The following LAMP2 variants were observed in gnomAD, a reference collection of about 807,000 sequenced individuals.
LAMP2 encodes lysosome associated membrane protein 2.
Under a neutral mutation model 25.6 loss-of-function variants are expected in LAMP2, and 4 were observed. That is an observed-to-expected ratio of 0.16 (90% CI 0.08 to 0.36). LAMP2 has a LOEUF of 0.36. Among genes scored for constraint, LAMP2 ranks in the 10% least tolerant of loss-of-function variants. LAMP2 has a pLI of 1.00. For missense variants in LAMP2, 272 were observed against 301.4 expected, an observed-to-expected ratio of 0.90 and a Z score of 0.72; for synonymous variants, 108 against 112.7, an observed-to-expected ratio of 0.96 and a Z score of 0.27.
At chrX:120,439,660 C>T (rs2058563101) in intron 8 of LAMP2, among the ~76,000 whole-genome samples, 1 of 109,107 alleles carries the variant, frequency 9.2e-6, no homozygotes, top group Non-Finnish European at 1.9e-5. Flanking sequence ...ATAATGCACA[C>T]ATTATATATA....
In LAMP2 at chrX:120,426,761, T is replaced by C. The variant is rs142200759; in HGVS notation, c.*4562A>G. Among the ~76,000 whole-genome samples the C allele has an allele frequency of 0.014, 1,576 of 112,107 alleles. 33 individuals carry two copies. Among genetic ancestry groups the C allele is most frequent in the African/African-American group, 0.049 (1,502 of 30,914 alleles). On this transcript the variant is annotated 3_prime_UTR_variant, in exon 9 of 9. Transcript: ENST00000200639. ...CCACTGTTTTTTATGATGACATCAT[T>C]TTAACCAAATGCTTTTATAACAAAT...
In LAMP2 at chrX:120,461,625, A is replaced by G. The variant is rs758029562; in HGVS notation, c.65-4856T>C. On this transcript the variant is annotated intron_variant, in intron 1 of 8. Coordinates refer to ENST00000200639, the MANE Select transcript of LAMP2 (RefSeq NM_002294.3). Reference sequence around the variant, plus strand: ...TCTGATGTATCCCACAACCCCTAGCAGTGTGTCTTTTATATGAATGTCATC... The same window carrying G: ...TCTGATGTATCCCACAACCCCTAGCGGTGTGTCTTTTATATGAATGTCATC... Among the ~76,000 whole-genome samples, 4 of 112,030 alleles carry G rather than the reference A, an allele frequency of 3.6e-5. No individual in the cohort carries two copies. In the South Asian group the frequency reaches 1.5e-3, roughly 41 times the overall value.
rs2058510764 is a variant in LAMP2, at chrX:120,429,045, A to G, written c.*2278T>C. ...AGTAATAAAATTTAAGTTAAAAAAGACTTAGGATCAAGAATGTAGTATATA... is the reference window on the plus strand; with the variant it reads ...AGTAATAAAATTTAAGTTAAAAAAGGCTTAGGATCAAGAATGTAGTATATA... On this transcript the variant is annotated 3_prime_UTR_variant, in exon 9 of 9. Coordinates refer to ENST00000200639, the MANE Select transcript of LAMP2 (RefSeq NM_002294.3). 1.7e-6 allele frequency: 1 copy of G among 581,745 alleles called. No homozygotes were observed. The highest frequency in any genetic ancestry group is 2.6e-5 in the African/African-American group (1 of 38,261). 47.9% of individuals were successfully genotyped at this position (581,745 alleles called of 1,213,427 possible). A position where few individuals can be genotyped will look rare whatever the true frequency, so the allele number is the denominator to read the frequency against.
chrX:120,453,478 G>A (rs756309769), intron 3 of LAMP2, among the ~76,000 whole-genome samples: 97 of 111,714 alleles, frequency 8.7e-4, no homozygotes, highest in Non-Finnish European at 1.6e-3. Flanking sequence ...CAATCTCAAC[G>A]GGCAGGGGGA....
intron 8 of LAMP2, among the ~76,000 whole-genome samples, chrX:120,440,640 T>C (rs1406660043): frequency 8.9e-6 from 1 of 112,137 alleles, no homozygotes; most frequent in African/African-American, 3.2e-5. Context: ...ATACTAATAC[T>C]GCAAACGATT....
rs760602347 is a variant in LAMP2 at position 120,455,378 on chromosome X, ATGT to A, written c.373_375del (p.Thr125del). 1.6e-5 allele frequency: 19 copies of A among 1,201,774 alleles called. No homozygotes were observed. The South Asian group carries it at 2.6e-4, about 17-fold the overall frequency. ...TTACCTTTATCTTCAGCATCAGGAA[ATGT>A]TGTGTTATCACCAGTGTTGTAGGAA... On this transcript the variant is annotated inframe_deletion, in exon 3 of 9. Coordinates refer to ENST00000200639, the MANE Select transcript of LAMP2 (RefSeq NM_002294.3).
rs1319752625 is a variant in LAMP2, at chrX:120,441,822, T to C, written c.1001A>G (p.Glu334Gly). 1.6e-5 allele frequency: 19 copies of C among 1,205,803 alleles called. No homozygotes were observed. Among genetic ancestry groups the C allele is most frequent in the Non-Finnish European group, 2.0e-5 (18 of 891,029 alleles). ...PLGSSYMCNK[E>G]QTVSVSGAFQ... ...TGCTCCAGACACTGAAACAGTCTGCTCTTTGTTGCACATATAAGAACTTCC... is the reference window on the plus strand; with the variant it reads ...TGCTCCAGACACTGAAACAGTCTGCCCTTTGTTGCACATATAAGAACTTCC... The change falls in exon 8 of 9, where the codon GAG (glutamate) becomes GGG (glycine). Residue 334 changes from glutamate to glycine, a missense_variant. By Grantham distance (98) the Glu-to-Gly change is moderately conservative (BLOSUM62 -2). Transcript: ENST00000200639.
chrX:120,445,332 C>T (rs2058591320), intron 6 of LAMP2, among the ~76,000 whole-genome samples: 1 of 112,105 alleles, frequency 8.9e-6, no homozygotes, highest in Non-Finnish European at 1.9e-5. Flanking sequence ...AATACAAGTG[C>T]CTAATGTAAT....
chrX:120,428,381 T>A lies in LAMP2; in HGVS notation c.*2942A>T. 1.9e-5 allele frequency: 19 copies of A among 1,020,207 alleles called. No individual in the cohort carries two copies. The highest frequency in any genetic ancestry group is 2.3e-5 in the Non-Finnish European group (18 of 793,202). The allele number at this position is 1,020,207 out of a possible 1,213,427, so 84.1% of individuals were successfully genotyped here. A position where few individuals can be genotyped will look rare whatever the true frequency, so the allele number is the denominator to read the frequency against. Reference sequence around the variant, plus strand: ...TTAGCTAGGAACTCACTGAAGTTAGTCTGCATATCTTAAACAATCTATTGC... The same window carrying A: ...TTAGCTAGGAACTCACTGAAGTTAGACTGCATATCTTAAACAATCTATTGC... On this transcript the variant is annotated 3_prime_UTR_variant, in exon 9 of 9. Transcript: ENST00000200639.
Position 120,455,434 on chromosome X carries a change from G to C in LAMP2, c.320C>G (p.Ser107Cys), listed in dbSNP as rs730880497. ...TGAGACGCTGTCAATTGAATAAGTA[G>C]ATGCTGCCTTGGTAAAATTCGCAAT... ...SWIANFTKAASTYSIDSVSFS... is the reference protein window; with the variant it reads ...SWIANFTKAACTYSIDSVSFS... Residue 107 changes from serine (S) to cysteine (C), a missense_variant, in exon 3 of 9, where the codon TCT becomes TGT. By Grantham distance (112) the Ser-to-Cys change is moderately radical. Transcript: ENST00000200639. The C allele has an allele frequency of 6.6e-6, 8 of 1,210,574 alleles. No individual in the cohort carries two copies. In the Admixed American group the frequency reaches 1.7e-4, roughly 26 times the overall value.
At position 120,469,092 on chromosome X, in the gene LAMP2, G is replaced by T; in HGVS notation, c.64+14C>A. The stretch of plus-strand genomic sequence containing the variant: ...CCAGGCGGACAGACTAATCGGGAGG[G>T]CCCGACAACTCACCCAGGACTAGGC... On this transcript the variant is annotated intron_variant, in intron 1 of 8. Transcript: ENST00000200639. 1 of 1,209,544 alleles carries T rather than the reference G, an allele frequency of 8.3e-7. No individual in the cohort carries two copies. The highest frequency in any genetic ancestry group is 1.1e-6 in the Non-Finnish European group (1 of 893,260).
In LAMP2 at chrX:120,455,023, G is replaced by GTA. The variant is rs764285343; in HGVS notation, c.397+332_397+333dup. On this transcript the variant is annotated intron_variant, in intron 3 of 8. Transcript: ENST00000200639. Reference sequence around the variant, plus strand: ...TGTATATATATACTAGGATATATGTGTATATATATATATACATATATACTA... The same window carrying GTA: ...TGTATATATATACTAGGATATATGTGTATATATATATATATACATATATACTA... Among the ~76,000 whole-genome samples, 89 of 98,968 alleles carry GTA rather than the reference G, an allele frequency of 9.0e-4. 1 individual carries two copies. The highest frequency in any genetic ancestry group is 2.6e-3 in the African/African-American group (71 of 27,012). The allele number at this position is 98,968 out of a possible 115,157, so 85.9% of individuals were successfully genotyped here.
Position 120,441,690 on chromosome X carries a change from T to A in LAMP2, c.1093+40A>T, listed in dbSNP as rs780411636. The A allele has an allele frequency of 1.3e-5, 14 of 1,106,893 alleles. No individual in the cohort carries two copies. In the South Asian group the frequency reaches 1.5e-4, roughly 12 times the overall value. The allele number at this position is 1,106,893 out of a possible 1,213,427, so 91.2% of individuals were successfully genotyped here. On this transcript the variant is annotated intron_variant, in intron 8 of 8. Coordinates refer to ENST00000200639, the MANE Select transcript of LAMP2 (RefSeq NM_002294.3). ...TCAAAGGAAAAGCCACCTGTCAACA[T>A]AAGAACATAAATTATTAATGAAGTT...
rs191040541 is a variant in LAMP2 at position 120,438,902 on chromosome X, T to G, written c.1093+2828A>C. On this transcript the variant is annotated intron_variant, in intron 8 of 8. Transcript: ENST00000200639. ...GAAATACTAATTCAAGACAGTAAAA[T>G]AGAACTTATAATCCAGTGATTTTGC... The G allele has an allele frequency of 2.3e-4, 216 of 950,712 alleles. No individual in the cohort carries two copies. The African/African-American group carries it at 4.0e-3, about 18-fold the overall frequency. 78.3% of individuals were successfully genotyped at this position (950,712 alleles called of 1,213,427 possible). A position where few individuals can be genotyped will look rare whatever the true frequency, so the allele number is the denominator to read the frequency against.
Position 120,427,854 on chromosome X carries a change from A to C in LAMP2, c.*3469T>G, listed in dbSNP as rs1017967240. ...TAATCAGTATATTCCAAACTCTAGA[A>C]CAACAACAACAAAAAAAGAAATCTC... On this transcript the variant is annotated 3_prime_UTR_variant, in exon 9 of 9. Coordinates refer to ENST00000200639, the MANE Select transcript of LAMP2 (RefSeq NM_002294.3). The C allele has an allele frequency of 1.8e-5, 2 of 110,094 alleles. No individual in the cohort carries two copies. The highest frequency in any genetic ancestry group is 3.8e-5 in the Non-Finnish European group (2 of 53,102). The allele number at this position is 110,094 out of a possible 1,213,427, so 9.1% of individuals were successfully genotyped here.
Position 120,456,756 on chromosome X carries a change from A to T in LAMP2, c.78T>A (p.Ser26=). 8.9e-7 allele frequency: 1 copy of T among 1,117,359 alleles called. No homozygotes were observed. Among genetic ancestry groups the T allele is most frequent in the Non-Finnish European group, 1.2e-6 (1 of 816,523 alleles). 92.1% of individuals were successfully genotyped at this position (1,117,359 alleles called of 1,213,427 possible). A position where few individuals can be genotyped will look rare whatever the true frequency, so the allele number is the denominator to read the frequency against. The part of the protein sequence containing the change: ...LVCLVLGAVR[S]YALELNLTDS... The stretch of plus-strand genomic sequence containing the variant: ...CTGTCAAATTAAGTTCCAATGCATA[A>T]GACCGCACAGCTCCTGGATTCATTT... The change falls in exon 2 of 9, where the codon TCT becomes TCA. Residue 26 remains serine, a synonymous_variant. Transcript: ENST00000200639.
chrX:120,453,504 T>C (rs1358983793), intron 3 of LAMP2, among the ~76,000 whole-genome samples: 2 of 112,003 alleles, frequency 1.8e-5, no homozygotes, highest in Non-Finnish European at 3.8e-5. Flanking sequence ...AAGAGAATTA[T>C]ATCCCTAACA....
intron 8 of LAMP2, chrX:120,439,108 G>T (rs1460475196): frequency 8.3e-7 from 1 of 1,205,100 alleles, no homozygotes; most frequent in Non-Finnish European, 1.1e-6. Flanking sequence ...GTTGGAACTT[G>T]TACTTGCTTT....
chrX:120,454,192 C>T (rs1296727830), intron 3 of LAMP2, among the ~76,000 whole-genome samples: 2 of 106,290 alleles, frequency 1.9e-5, no homozygotes, highest in Non-Finnish European at 3.9e-5. Flanking sequence ...ACTATCCATC[C>T]GTTAGTCACT....
Sources: gnomAD v4.1 joint callset for allele counts (sites outside exome capture counted in the v4.1 genomes callset) on GRCh38, gnomAD v4.1.1 for gene constraint, MANE v1.5 for transcripts, NCBI Gene and HGNC (gene_info 2026-07-23, HGNC 2026-07-21) for gene names.